PCSK5: variants seen among roughly 807,000 people sequenced by gnomAD.
PCSK5 encodes proprotein convertase subtilisin/kexin type 5.
A neutral mutation model predicts 233.2 loss-of-function variants in PCSK5; 129 were observed. That is an observed-to-expected ratio of 0.55 (90% CI 0.48 to 0.64). The LOEUF (loss-of-function observed/expected upper bound fraction) is 0.64. Among genes scored for constraint, PCSK5 ranks in the 30% least tolerant of loss-of-function variants. PCSK5 has a pLI of 0.00. For missense variants in PCSK5, 2,076 were observed against 2,430.1 expected (o/e 0.85, Z 3.06); for synonymous variants, 825 against 879.2 (o/e 0.94, Z 1.09).
intron 9 of PCSK5, among the ~76,000 whole-genome samples, chr9:76,113,431 A>T (rs184464796): frequency 6.6e-6 from 1 of 152,300 alleles, no homozygotes. Flanking sequence ...AATCTTACAT[A>T]ATTCAGATGA....
intron 26 of PCSK5, among the ~76,000 whole-genome samples, chr9:76,295,658 G>T (rs1172087878): frequency 2.0e-5 from 3 of 152,194 alleles, no homozygotes; most frequent in Non-Finnish European, 4.4e-5. Context: ...ATGGAAACAA[G>T]GCTGAATTGG....
intron 30 of PCSK5, among the ~76,000 whole-genome samples, chr9:76,319,359 G>C (rs563099676): frequency 6.7e-6 from 1 of 149,676 alleles, no homozygotes; most frequent in East Asian, 1.9e-4. Flanking sequence ...AATAAGAATA[G>C]TCATAATACA....
chr9:76,142,075 C>T (rs1334583259), intron 10 of PCSK5, among the ~76,000 whole-genome samples: 1 of 151,912 alleles, frequency 6.6e-6, no homozygotes. Flanking sequence ...AACACAGCCC[C>T]ATGACATGAG....
Position 76,143,355 on chromosome 9 carries a change from A to T in PCSK5, c.1312+9143A>T, listed in dbSNP as rs537186407. On this transcript the variant is annotated intron_variant, in intron 10 of 37. Coordinates refer to ENST00000674117, the MANE Select transcript of PCSK5 (RefSeq NM_001372043.1). ...AAGCTACTTGAATCCTGCAGTTAGGAGTTCTCATTTCATTTGAAAAACATT... is the reference window on the plus strand; with the variant it reads ...AAGCTACTTGAATCCTGCAGTTAGGTGTTCTCATTTCATTTGAAAAACATT... Among the ~76,000 whole-genome samples, 4 of 152,314 alleles carry T rather than the reference A, an allele frequency of 2.6e-5. No homozygotes were observed. In the South Asian group the frequency reaches 8.3e-4, roughly 32 times the overall value.
intron 5 of PCSK5, among the ~76,000 whole-genome samples, chr9:76,032,295 G>T (rs1276997162): frequency 6.6e-6 from 1 of 152,110 alleles, no homozygotes. Flanking sequence ...GCTGCTTGGC[G>T]AGTGGCTCTG....
chr9:75,992,164 T>C (rs143843493), intron 3 of PCSK5, among the ~76,000 whole-genome samples: 67 of 152,284 alleles, frequency 4.4e-4, no homozygotes, highest in African/African-American at 1.5e-3. Flanking sequence ...GTATCATCTA[T>C]ATAATTGAAG....
intron 7 of PCSK5, among the ~76,000 whole-genome samples, chr9:76,087,607 A>AT (rs1022006541): frequency 4.6e-5 from 7 of 152,174 alleles, no homozygotes; most frequent in Non-Finnish European, 8.8e-5. Context: ...TAGGCTCTCT[A>AT]TTTTTTTGAA....
intron 2 of PCSK5, among the ~76,000 whole-genome samples, chr9:75,959,079 T>C (rs1171341047): frequency 6.6e-6 from 1 of 152,174 alleles, no homozygotes; most frequent in Non-Finnish European, 1.5e-5. Context: ...AGAGCAGTGA[T>C]CATTTAAGAC....
chr9:76,180,672 C>T (rs1315498896), intron 15 of PCSK5, among the ~76,000 whole-genome samples: 3 of 152,102 alleles, frequency 2.0e-5, no homozygotes, highest in Non-Finnish European at 4.4e-5. Context: ...CCACACGGTT[C>T]CTCCATACTC....
chr9:76,219,731 G>A (rs972199110), intron 20 of PCSK5, among the ~76,000 whole-genome samples: 1 of 152,206 alleles, frequency 6.6e-6, no homozygotes, highest in African/African-American at 2.4e-5. Flanking sequence ...TGCATCTCAT[G>A]TGGAGAGAGG....
chr9:76,194,052 G>GTAGAT (rs753628601), intron 20 of PCSK5: 2 of 152,370 alleles, frequency 1.3e-5, no homozygotes, highest in Non-Finnish European at 1.5e-5. Context: ...CTTTTCCATT[G>GTAGAT]TAGATTGGGT....
At chr9:76,273,816 T>C (rs967493631) in intron 24 of PCSK5, among the ~76,000 whole-genome samples, 1 of 149,336 alleles carries the variant, frequency 6.7e-6, no homozygotes, top group African/African-American at 2.4e-5. Context: ...ATTTTTTTTT[T>C]CTTTTTTTTT....
intron 35 of PCSK5, 127 bp downstream of exon 35, chr9:76,338,574 C>A: frequency 1.5e-6 from 1 of 657,484 alleles, no homozygotes. Flanking sequence ...GTGTGTGATC[C>A]TCTCCAGCAT....
intron 17 of PCSK5, among the ~76,000 whole-genome samples, chr9:76,186,223 A>G (rs1480359803): frequency 6.6e-6 from 1 of 152,196 alleles, no homozygotes; most frequent in Non-Finnish European, 1.5e-5. Context: ...CCCTTAGAAC[A>G]CATCTCAATT....
At chr9:75,974,023 T>C (rs1249794246) in intron 2 of PCSK5, among the ~76,000 whole-genome samples, 1 of 152,038 alleles carries the variant, frequency 6.6e-6, no homozygotes, top group East Asian at 1.9e-4. Flanking sequence ...TGCTCCTGGG[T>C]CTTCAGACTG....
In PCSK5 at chr9:75,925,913, C is replaced by T. The variant is rs111691502; in HGVS notation, c.193-6466C>T. Among the ~76,000 whole-genome samples the T allele has an allele frequency of 3.2e-3, 487 of 152,328 alleles. 2 individuals are homozygous for T. The highest frequency in any genetic ancestry group is 5.4e-3 in the Admixed American group (83 of 15,294). ...AGAAAACAGTATCTCATCACTGCCT[C>T]TGTAACTTTCTGTCTAAATCAGAAA... is the stretch of plus-strand genomic sequence containing the variant. On this transcript the variant is annotated intron_variant, in intron 1 of 37. Coordinates refer to ENST00000674117, the MANE Select transcript of PCSK5 (RefSeq NM_001372043.1).
At chr9:76,195,293 T>G (rs1045748077) in intron 20 of PCSK5, 3 of 152,154 alleles carry the variant, frequency 2.0e-5, no homozygotes, top group African/African-American at 7.2e-5. Flanking sequence ...CAAAACCGAA[T>G]TTGCCTGCAA....
intron 6 of PCSK5, among the ~76,000 whole-genome samples, chr9:76,071,113 T>C (rs1830466138): frequency 6.6e-6 from 1 of 152,202 alleles, no homozygotes; most frequent in African/African-American, 2.4e-5. Context: ...GAAATATACT[T>C]AAATGAAGAT....
intron 24 of PCSK5, among the ~76,000 whole-genome samples, chr9:76,272,115 T>A (rs1445909727): frequency 3.3e-5 from 5 of 152,174 alleles, no homozygotes. Flanking sequence ...GTACTTAGAG[T>A]ACTATGAGTG....
Sources: allele counts gnomAD v4.1 joint callset (sites outside exome capture counted in the v4.1 genomes callset), GRCh38; gene constraint gnomAD v4.1.1; transcripts MANE v1.5; gene names NCBI Gene and HGNC (gene_info 2026-07-23, HGNC 2026-07-21).